The following MTUS1 variants were observed in gnomAD, a reference collection of about 807,000 sequenced individuals.
MTUS1 encodes the protein microtubule associated scaffold protein 1, also known as microtubule-associated tumor suppressor 1.
In MTUS1, 109 loss-of-function variants were observed where a neutral mutation model predicts 120.8. The ratio of observed to expected loss-of-function variants is 0.90; its 90% CI spans 0.77 to 1.06. MTUS1 has a LOEUF of 1.06. Among genes scored for constraint, MTUS1 ranks in the 50% least tolerant of loss-of-function variants. The pLI is 0.00. For synonymous variants in MTUS1, 737 were observed against 550.5 expected (o/e 1.34, Z -4.74); for missense variants, 2,210 against 1,486.3 (o/e 1.49, Z -8.01).
chr8:17,766,137 C>T (rs1364418041), intron 1 of MTUS1, among the ~76,000 whole-genome samples: 1 of 152,172 alleles, frequency 6.6e-6, no homozygotes, highest in East Asian at 1.9e-4. Flanking sequence ...GAATTTTTGT[C>T]ACCAAGTTCA....
chr8:17,706,939 G>C (rs1176558558), intron 6 of MTUS1, among the ~76,000 whole-genome samples: 1 of 152,154 alleles, frequency 6.6e-6, no homozygotes, highest in East Asian at 1.9e-4. Flanking sequence ...ACTTTTTGAA[G>C]TTTGGCAAAC....
chr8:17,711,998 A>T (rs1005980749), intron 6 of MTUS1, among the ~76,000 whole-genome samples: 6 of 152,208 alleles, frequency 3.9e-5, no homozygotes, highest in African/African-American at 1.4e-4. Context: ...GGTGTCCCAA[A>T]ACAATCACAA....
intron 3 of MTUS1, among the ~76,000 whole-genome samples, chr8:17,731,435 C>T (rs1332450557): frequency 6.6e-6 from 1 of 152,120 alleles, no homozygotes; most frequent in Non-Finnish European, 1.5e-5. Context: ...CTTAGAACAG[C>T]ATCTGGCACA....
chr8:17,661,782 A>C (rs1217505917), intron 8 of MTUS1, among the ~76,000 whole-genome samples: 3 of 152,138 alleles, frequency 2.0e-5, no homozygotes, highest in Non-Finnish European at 2.9e-5. Flanking sequence ...TAATAGTCCA[A>C]AGCAGCAGGC....
chr8:17,736,546 T>C (rs764080477), intron 3 of MTUS1, among the ~76,000 whole-genome samples: 2 of 152,162 alleles, frequency 1.3e-5, no homozygotes, highest in African/African-American at 4.8e-5. Context: ...CGTTTAAAAA[T>C]CTAATCTCCT....
At chr8:17,753,148 T>A (rs184026382) in intron 2 of MTUS1, among the ~76,000 whole-genome samples, 1 of 152,320 alleles carries the variant, frequency 6.6e-6, no homozygotes, top group East Asian at 1.9e-4. Context: ...ACACATCCAC[T>A]AGGTCCAATC....
intron 7 of MTUS1, chr8:17,676,625 TTTAG>T (rs1813181779): frequency 5.1e-6 from 2 of 390,140 alleles, no homozygotes; most frequent in Non-Finnish European, 9.1e-6. Context: ...TCGATTGCCA[TTTAG>T]TTAAATATCA....
chr8:17,740,251 T>G (rs1284268814), intron 3 of MTUS1, among the ~76,000 whole-genome samples: 2 of 152,052 alleles, frequency 1.3e-5, no homozygotes, highest in African/African-American at 2.4e-5. Context: ...ACAGCTGTGT[T>G]GGGTTTAATT....
intron 3 of MTUS1, among the ~76,000 whole-genome samples, chr8:17,741,340 C>T (rs1374872926): frequency 6.6e-6 from 1 of 152,184 alleles, no homozygotes; most frequent in South Asian, 2.1e-4. Context: ...CCCAAGTATT[C>T]AGACCATAAA....
intron 3 of MTUS1, among the ~76,000 whole-genome samples, chr8:17,726,929 C>T (rs952786560): frequency 2.0e-5 from 3 of 152,228 alleles, no homozygotes; most frequent in African/African-American, 7.2e-5. Context: ...GAAATGCATG[C>T]CTCATAGCTT....
intron 2 of MTUS1, among the ~76,000 whole-genome samples, chr8:17,752,584 G>T (rs9325821): frequency 4.6e-5 from 7 of 152,106 alleles, no homozygotes; most frequent in African/African-American, 9.7e-5. Context: ...GAATATCTTC[G>T]GTCTTTCCTA....
intron 1 of MTUS1, among the ~76,000 whole-genome samples, chr8:17,794,264 AC>A (rs1300291483): frequency 6.6e-6 from 1 of 152,022 alleles, no homozygotes; most frequent in African/African-American, 2.4e-5. Flanking sequence ...GGAGGCGGAC[AC>A]TGCAGTGAGC....
Position 17,644,121 on chromosome 8 carries a change from G to C in MTUS1, c.*1805C>G, listed in dbSNP as rs1194611570. On this transcript the variant is annotated 3_prime_UTR_variant, in exon 15 of 15. Transcript: ENST00000693296. ...GGGATGAATGGCAAACCCAACTTTG[G>C]CTAATGTCATTGAGAACAACTTGGA... The C allele has an allele frequency of 1.3e-5, 2 of 152,190 alleles. No homozygotes were observed. The highest frequency in any genetic ancestry group is 4.8e-5 in the African/African-American group (2 of 41,438). 9.4% of individuals were successfully genotyped at this position (152,190 alleles called of 1,614,324 possible). A position where few individuals can be genotyped will look rare whatever the true frequency, so the allele number is the denominator to read the frequency against.
At chr8:17,650,881 A>G (rs180865332) in intron 12 of MTUS1, among the ~76,000 whole-genome samples, 27 of 152,342 alleles carry the variant, frequency 1.8e-4, no homozygotes, top group East Asian at 5.8e-4. Flanking sequence ...CACTGATCAG[A>G]TATGTTTAAT....
rs544223548 is a variant in MTUS1 at position 17,723,935 on chromosome 8, A to G, written c.2288-102T>C. The G allele has an allele frequency of 2.7e-5, 24 of 878,512 alleles. No individual in the cohort carries two copies. The South Asian group carries it at 3.9e-4, about 14-fold the overall frequency. 54.4% of individuals were successfully genotyped at this position (878,512 alleles called of 1,614,324 possible). A position where few individuals can be genotyped will look rare whatever the true frequency, so the allele number is the denominator to read the frequency against. On this transcript the variant is annotated intron_variant, in intron 3 of 14. Coordinates refer to ENST00000693296, the MANE Select transcript of MTUS1 (RefSeq NM_001363059.2). The stretch of plus-strand genomic sequence containing the variant: ...AAACTTCTGCACTAACAACAAAGTC[A>G]AAACACAAAATGAATGTTCACAATC...
At chr8:17,768,660 T>C (rs1586289047) in intron 1 of MTUS1, among the ~76,000 whole-genome samples, 1 of 152,140 alleles carries the variant, frequency 6.6e-6, no homozygotes, top group African/African-American at 2.4e-5. Flanking sequence ...AGAACATTTT[T>C]ATACAAACAG....
intron 6 of MTUS1, among the ~76,000 whole-genome samples, chr8:17,701,768 C>G (rs1274534267): frequency 2.6e-5 from 4 of 152,136 alleles, no homozygotes; most frequent in Non-Finnish European, 4.4e-5. Context: ...CCAGGATGGT[C>G]TCAATCTCCT....
At chr8:17,715,236 A>C (rs1440986056) in intron 5 of MTUS1, among the ~76,000 whole-genome samples, 3 of 152,118 alleles carry the variant, frequency 2.0e-5, no homozygotes, top group African/African-American at 7.2e-5. Context: ...CTTTGGCCCC[A>C]CTGAGACAAA....
At chr8:17,783,588 C>T (rs1322719782) in intron 1 of MTUS1, among the ~76,000 whole-genome samples, 1 of 152,058 alleles carries the variant, frequency 6.6e-6, no homozygotes, top group Non-Finnish European at 1.5e-5. Context: ...TGTGGAAATT[C>T]ACAAGTTGGG....
Sources: allele counts gnomAD v4.1 joint callset (sites outside exome capture counted in the v4.1 genomes callset), GRCh38; gene constraint gnomAD v4.1.1; transcripts MANE v1.5; gene names NCBI Gene and HGNC (gene_info 2026-07-23, HGNC 2026-07-21).